The following TPD52 variants were observed in gnomAD, a reference collection of about 807,000 sequenced individuals.
TPD52 encodes the protein tumor protein D52, also known as prostate and colon associated protein.
A neutral mutation model predicts 31.3 loss-of-function variants in TPD52; 17 were observed. The observed-to-expected ratio is 0.54, with a 90% CI of 0.37 to 0.82. The LOEUF is 0.82. Ranked by LOEUF, TPD52 falls within the 40% of genes least tolerant of loss-of-function variation. The pLI is 0.00. For synonymous variants in TPD52, 83 were observed against 89.6 expected, an observed-to-expected ratio of 0.93 and a Z score of 0.42; for missense variants, 212 against 240.1, an observed-to-expected ratio of 0.88 and a Z score of 0.77.
chr8:80,139,303 T>C (rs1053896289), intron 1 of TPD52, among the ~76,000 whole-genome samples: 1 of 152,124 alleles, frequency 6.6e-6, no homozygotes, highest in Non-Finnish European at 1.5e-5. Context: ...AAGAGTATGG[T>C]TCACTGGTTT....
Position 80,152,780 on chromosome 8 carries a change from C to CAAAAAAAA in TPD52, c.19+18637_19+18644dup, listed in dbSNP as rs57456374. Among the ~76,000 whole-genome samples the CAAAAAAAA allele has an allele frequency of 3.4e-4, 28 of 83,528 alleles. 5 individuals are homozygous for CAAAAAAAA. Among genetic ancestry groups the CAAAAAAAA allele is most frequent in the African/African-American group, 8.2e-4 (16 of 19,432 alleles). 54.8% of individuals were successfully genotyped at this position (83,528 alleles called of 152,430 possible). A position where few individuals can be genotyped will look rare whatever the true frequency, so the allele number is the denominator to read the frequency against. On this transcript the variant is annotated intron_variant, in intron 1 of 7. Transcript: ENST00000518937. ...TGGGCGAAAGTGTGAGACTCCGTCT[C>CAAAAAAAA]AAAAAAAAAAAAAAAAAATGCCAGG... is the stretch of plus-strand genomic sequence containing the variant.
intron 1 of TPD52, among the ~76,000 whole-genome samples, chr8:80,165,558 G>C (rs1811657603): frequency 6.6e-6 from 1 of 152,196 alleles, no homozygotes; most frequent in African/African-American, 2.4e-5. Flanking sequence ...CCTGAAAGCA[G>C]AAGATGAAGC....
chr8:80,084,803 C>T (rs528329393), intron 1 of TPD52, among the ~76,000 whole-genome samples: 3 of 152,190 alleles, frequency 2.0e-5, no homozygotes, highest in Non-Finnish European at 4.4e-5. Flanking sequence ...ACTAGAGTTT[C>T]CCCTTTTCCT....
chr8:80,164,089 G>C (rs966394430), intron 1 of TPD52, among the ~76,000 whole-genome samples: 5 of 151,790 alleles, frequency 3.3e-5, no homozygotes, highest in African/African-American at 1.2e-4. Context: ...GGGGAGGAGA[G>C]AGAAGGAGAA....
At position 80,035,075 on chromosome 8, in the gene TPD52, C is replaced by G. The variant is rs1236474212; in HGVS notation, c.*3041G>C. ...ATATTAACTGTGGCCCACACAGGGT[C>G]TCTCTAATCTAATGAAAACAGGACA... On this transcript the variant is annotated 3_prime_UTR_variant, in exon 8 of 8. Transcript: ENST00000518937. The G allele has an allele frequency of 6.6e-6, 1 of 152,194 alleles. No individual in the cohort carries two copies. Among genetic ancestry groups the G allele is most frequent in the East Asian group, 1.9e-4 (1 of 5,204 alleles). The allele number at this position is 152,194 out of a possible 1,614,324, so 9.4% of individuals were successfully genotyped here.
chr8:80,138,863 A>G (rs1809622581), intron 1 of TPD52, among the ~76,000 whole-genome samples: 1 of 152,164 alleles, frequency 6.6e-6, no homozygotes, highest in Non-Finnish European at 1.5e-5. Context: ...AAGGTAACCA[A>G]AATTTGGACC....
At chr8:80,071,214 C>T (rs1586221054) in intron 1 of TPD52, among the ~76,000 whole-genome samples, 1 of 152,200 alleles carries the variant, frequency 6.6e-6, no homozygotes, top group Non-Finnish European at 1.5e-5. Flanking sequence ...AGAATGGCTA[C>T]CGCAGCCCCA....
intron 1 of TPD52, among the ~76,000 whole-genome samples, chr8:80,101,834 T>A (rs1806765700): frequency 6.6e-6 from 1 of 152,106 alleles, no homozygotes; most frequent in African/African-American, 2.4e-5. Flanking sequence ...GAGGCCACAC[T>A]TCCAACACCG....
chr8:80,074,523 T>A (rs1045663172), intron 1 of TPD52, among the ~76,000 whole-genome samples: 1 of 152,186 alleles, frequency 6.6e-6, no homozygotes, highest in Non-Finnish European at 1.5e-5. Context: ...ACGGGCGTCA[T>A]GCGGTGGATG....
At chr8:80,102,046 A>G (rs867514286) in intron 1 of TPD52, among the ~76,000 whole-genome samples, 3 of 152,230 alleles carry the variant, frequency 2.0e-5, no homozygotes, top group South Asian at 2.1e-4. Context: ...AAGGAGTACA[A>G]CTCGACTCAC....
intron 1 of TPD52, chr8:80,066,963 C>T (rs1813224918): frequency 6.6e-6 from 1 of 152,158 alleles, no homozygotes; most frequent in African/African-American, 2.4e-5. Context: ...CAACAGATCT[C>T]CAAAACAAAA....
chr8:80,031,321 C>T (rs1809688178), downstream of TPD52, among the ~76,000 whole-genome samples: 1 of 152,218 alleles, frequency 6.6e-6, no homozygotes, highest in South Asian at 2.1e-4. Flanking sequence ...GTACACTGAT[C>T]TCAGAATGGT....
intron 1 of TPD52, among the ~76,000 whole-genome samples, chr8:80,085,902 A>T (rs1413349702): frequency 6.6e-6 from 1 of 152,116 alleles, no homozygotes; most frequent in South Asian, 2.1e-4. Context: ...CAAGTGTAGT[A>T]ACAGTATAAT....
rs1483048600 is a variant in TPD52 at position 80,037,575 on chromosome 8, AT to A, written c.*540del. The A allele has an allele frequency of 6.6e-6, 1 of 152,294 alleles. No homozygotes were observed. The highest frequency in any genetic ancestry group is 1.5e-5 in the Non-Finnish European group (1 of 68,104). 9.4% of individuals were successfully genotyped at this position (152,294 alleles called of 1,614,324 possible). ...TCAGTCTGGTGTCTTCAACCAAAAT[AT>A]GTACCTTATACCAAAACAATGCTTA... On this transcript the variant is annotated 3_prime_UTR_variant, in exon 8 of 8. Coordinates refer to ENST00000518937, the MANE Select transcript of TPD52 (RefSeq NM_001025253.3).
intron 1 of TPD52, among the ~76,000 whole-genome samples, chr8:80,124,313 A>G (rs1808456937): frequency 6.6e-6 from 1 of 152,078 alleles, no homozygotes; most frequent in South Asian, 2.1e-4. Context: ...CTACCAGTGC[A>G]TACCACCGTG....
chr8:80,041,704 A>G (rs572417592), intron 7 of TPD52, among the ~76,000 whole-genome samples: 2 of 152,184 alleles, frequency 1.3e-5, no homozygotes, highest in Admixed American at 1.3e-4. Context: ...GAAATCAAAA[A>G]ATAAAAACAG....
At chr8:80,033,754 T>C (rs1400482806), downstream of TPD52, among the ~76,000 whole-genome samples, 1 of 152,142 alleles carries the variant, frequency 6.6e-6, no homozygotes, top group East Asian at 1.9e-4. Flanking sequence ...AGACCCAAAG[T>C]GGTCCTTTCT....
At chr8:80,044,776 A>G (rs1810686446) in intron 5 of TPD52, among the ~76,000 whole-genome samples, 1 of 152,154 alleles carries the variant, frequency 6.6e-6, no homozygotes, top group African/African-American at 2.4e-5. Flanking sequence ...AGGCTCGTAA[A>G]ATGATTGTAT....
chr8:80,135,325 C>T (rs1809314464), intron 1 of TPD52, among the ~76,000 whole-genome samples: 2 of 151,980 alleles, frequency 1.3e-5, no homozygotes, highest in South Asian at 4.2e-4. Context: ...TCATTTTCAC[C>T]TCCCACTTCC....
Sources: gnomAD v4.1 joint callset for allele counts (sites outside exome capture counted in the v4.1 genomes callset) on GRCh38, gnomAD v4.1.1 for gene constraint, MANE v1.5 for transcripts, NCBI Gene and HGNC (gene_info 2026-07-23, HGNC 2026-07-21) for gene names.